Variants in ELP4 observed in about 807,000 individuals in gnomAD.
ELP4 encodes the protein elongator acetyltransferase complex subunit 4.
Under a neutral mutation model 48.9 loss-of-function variants are expected in ELP4, and 51 were observed. The ratio of observed to expected loss-of-function variants is 1.04; its 90% confidence interval spans 0.83 to 1.32. ELP4 has a LOEUF of 1.32. ELP4 is among the 40% of genes most tolerant of loss of function. The probability of loss-of-function intolerance (pLI) is 0.00; values close to 1 mark genes in which losing one functional copy is unlikely to be tolerated. For missense variants in ELP4, 519 were observed against 514.6 expected (o/e 1.01, Z -0.08); for synonymous variants, 210 against 189.2 (o/e 1.11, Z -0.90).
intron 9 of ELP4, among the ~76,000 whole-genome samples, chr11:31,723,021 G>A (rs1185203917): frequency 1.3e-5 from 2 of 152,162 alleles, no homozygotes; most frequent in Non-Finnish European, 1.5e-5. Flanking sequence ...AATGTGGTAG[G>A]TACCTGGATG....
Position 31,594,918 on chromosome 11 carries a change from AT to A in ELP4, c.513+19del. Reference sequence around the variant, plus strand: ...AAGATGGAGGCAAGTAAACATACAAATTCTTTCCAAAATTTGCAAATGCATT... The same window carrying A: ...AAGATGGAGGCAAGTAAACATACAAATCTTTCCAAAATTTGCAAATGCATT... On this transcript the variant is annotated intron_variant, in intron 4 of 9. Transcript: ENST00000640961. The A allele has an allele frequency of 6.5e-7, 1 of 1,542,060 alleles. No individual in the cohort carries two copies. The highest frequency in any genetic ancestry group is 8.7e-7 in the Non-Finnish European group (1 of 1,154,942).
intron 9 of ELP4, among the ~76,000 whole-genome samples, chr11:31,712,952 C>A (rs1946772916): frequency 6.6e-6 from 1 of 152,112 alleles, no homozygotes; most frequent in Admixed American, 6.5e-5. Context: ...GTTTTGCAAT[C>A]CCTTTGTTCT....
chr11:31,548,898 T>G (rs1247402996), intron 3 of ELP4, among the ~76,000 whole-genome samples: 1 of 152,090 alleles, frequency 6.6e-6, no homozygotes, highest in African/African-American at 2.4e-5. Context: ...GGATTTCCTA[T>G]TTAATAAATG....
At chr11:31,559,489 C>T (rs1956980292) in intron 3 of ELP4, among the ~76,000 whole-genome samples, 1 of 152,132 alleles carries the variant, frequency 6.6e-6, no homozygotes, top group Non-Finnish European at 1.5e-5. Flanking sequence ...TGAGGTGAAG[C>T]TTCTTACCTT....
intron 9 of ELP4, among the ~76,000 whole-genome samples, chr11:31,693,990 C>G (rs553495866): frequency 4.0e-4 from 61 of 152,244 alleles, no homozygotes; most frequent in African/African-American, 1.4e-3. Flanking sequence ...AGATCCTTCG[C>G]CCACTTTTTG....
chr11:31,735,381 A>T (rs1947287937), intron 9 of ELP4, among the ~76,000 whole-genome samples: 1 of 152,210 alleles, frequency 6.6e-6, no homozygotes, highest in Non-Finnish European at 1.5e-5. Context: ...ACTTTAAAAA[A>T]TAAAAGCTTC....
chr11:31,621,215 G>A (rs1318394914), intron 5 of ELP4, among the ~76,000 whole-genome samples: 1 of 151,664 alleles, frequency 6.6e-6, no homozygotes, highest in Non-Finnish European at 1.5e-5. Context: ...ATAGAATTTT[G>A]GTAATACAAA....
chr11:31,701,128 A>G (rs1197034453), intron 9 of ELP4, among the ~76,000 whole-genome samples: 1 of 152,148 alleles, frequency 6.6e-6, no homozygotes, highest in Non-Finnish European at 1.5e-5. Context: ...CTGTGTAGGA[A>G]AATAGCCTTC....
chr11:31,760,501 TTAAG>T (rs1307989619), intron 9 of ELP4, among the ~76,000 whole-genome samples: 11 of 152,316 alleles, frequency 7.2e-5, no homozygotes, highest in African/African-American at 2.6e-4. Flanking sequence ...ATGCATCAGT[TTAAG>T]TATGCTAGAT....
intron 2 of ELP4, among the ~76,000 whole-genome samples, chr11:31,529,566 T>C (rs1956359478): frequency 6.6e-6 from 1 of 152,140 alleles, no homozygotes; most frequent in Admixed American, 6.6e-5. Context: ...CCTGCTAACC[T>C]CTAGAACCTG....
At chr11:31,520,661 TATTTA>T in intron 2 of ELP4, among the ~76,000 whole-genome samples, 1 of 152,108 alleles carries the variant, frequency 6.6e-6, no homozygotes, top group Non-Finnish European at 1.5e-5. Flanking sequence ...GCCATATTAA[TATTTA>T]ATTCATGTAT....
intron 3 of ELP4, among the ~76,000 whole-genome samples, chr11:31,591,790 C>T (rs11820739): frequency 0.27 from 40,663 of 151,836 alleles, 5,732 homozygotes; most frequent in African/African-American, 0.34. Flanking sequence ...CATGTTCACA[C>T]AAAAGTTTGT....
chr11:31,744,973 T>C (rs1245122011), intron 9 of ELP4, among the ~76,000 whole-genome samples: 2 of 152,314 alleles, frequency 1.3e-5, no homozygotes, highest in East Asian at 3.9e-4. Context: ...GATGACATGA[T>C]TGTATATCTA....
At chr11:31,513,791 C>T (rs1258274543) in intron 1 of ELP4, among the ~76,000 whole-genome samples, 3 of 152,088 alleles carry the variant, frequency 2.0e-5, no homozygotes, top group Admixed American at 6.5e-5. Context: ...AAAGCCCTTT[C>T]GTTGTCTTAT....
chr11:31,617,596 A>G (rs1265309933), intron 5 of ELP4, among the ~76,000 whole-genome samples: 1 of 152,066 alleles, frequency 6.6e-6, no homozygotes, highest in African/African-American at 2.4e-5. Context: ...AACCACAATT[A>G]AAAAGAAAAA....
chr11:31,769,355 G>A (rs961485722), intron 9 of ELP4, among the ~76,000 whole-genome samples: 3 of 152,136 alleles, frequency 2.0e-5, no homozygotes, highest in Admixed American at 6.5e-5. Flanking sequence ...AAATCAACAC[G>A]TTCATGTATG....
At chr11:31,686,072 C>T (rs578167567) in intron 9 of ELP4, among the ~76,000 whole-genome samples, 2 of 151,906 alleles carry the variant, frequency 1.3e-5, no homozygotes, top group Admixed American at 1.3e-4. Context: ...TAATAGTTTC[C>T]TTTTCTAACC....
intron 5 of ELP4, among the ~76,000 whole-genome samples, chr11:31,606,496 G>A (rs188061047): frequency 2.0e-3 from 305 of 152,200 alleles, no homozygotes; most frequent in African/African-American, 7.0e-3. Context: ...AAGAAAAACT[G>A]CAGATCATTT....
rs541019357 is a variant in ELP4 at position 31,684,279 on chromosome 11, T to C, written c.1143+34058T>C. 1.3e-4 allele frequency among the ~76,000 whole-genome samples: 19 copies of C among 151,964 alleles called. No individual in the cohort carries two copies. In the South Asian group the frequency reaches 3.9e-3, roughly 32 times the overall value. On this transcript the variant is annotated intron_variant, in intron 9 of 9. Coordinates refer to ENST00000640961, the MANE Select transcript of ELP4 (RefSeq NM_019040.5). The stretch of plus-strand genomic sequence containing the variant: ...TGGAGTGCAGTGGATCAATCTTGGC[T>C]CACTGCAACCTCCACCTTAGGGATT...
Sources: allele counts gnomAD v4.1 joint callset (sites outside exome capture counted in the v4.1 genomes callset), GRCh38; gene constraint gnomAD v4.1.1; transcripts MANE v1.5; gene names NCBI Gene and HGNC (gene_info 2026-07-23, HGNC 2026-07-21).